GRIN3A: variants seen among roughly 807,000 people sequenced by gnomAD.
GRIN3A encodes the protein glutamate receptor ionotropic, NMDA 3A.
Under a neutral mutation model 92.4 loss-of-function variants are expected in GRIN3A, and 47 were observed. The ratio of observed to expected loss-of-function variants is 0.51; its 90% CI spans 0.40 to 0.65. The LOEUF is 0.65. Among genes scored for constraint, GRIN3A ranks in the 30% least tolerant of loss-of-function variants. The probability of loss-of-function intolerance (pLI) is 0.00; values close to 1 mark genes in which losing one functional copy is unlikely to be tolerated. For missense variants in GRIN3A, 1,324 were observed against 1,393.1 expected (o/e 0.95, Z 0.79); for synonymous variants, 527 against 540.6 (o/e 0.97, Z 0.35).
chr9:101,708,579 T>C lies in GRIN3A; in HGVS notation c.700-21379A>G, dbSNP rs186862504. Among the ~76,000 whole-genome samples, 115 of 152,298 alleles carry C rather than the reference T, an allele frequency of 7.6e-4. No homozygotes were observed. In the Middle Eastern group the frequency reaches 0.024, roughly 32 times the overall value. The stretch of plus-strand genomic sequence containing the variant: ...GGAAATACGTATATGATCCCTACCA[T>C]GATAGGGTTCTGTTTATATTATAGA... On this transcript the variant is annotated intron_variant, in intron 1 of 8. Coordinates refer to ENST00000361820, the MANE Select transcript of GRIN3A (RefSeq NM_133445.3).
chr9:101,701,530 G>A (rs1238984031), intron 1 of GRIN3A, among the ~76,000 whole-genome samples: 9 of 151,832 alleles, frequency 5.9e-5, no homozygotes, highest in African/African-American at 2.2e-4. Context: ...AACTCAAGAT[G>A]GATTAAAAGC....
chr9:101,728,774 A>G (rs919708271), intron 1 of GRIN3A, among the ~76,000 whole-genome samples: 2 of 152,180 alleles, frequency 1.3e-5, no homozygotes, highest in Non-Finnish European at 2.9e-5. Context: ...CTGCTTTTAT[A>G]ATCAGAAAAG....
At chr9:101,715,367 A>G (rs1829931400) in intron 1 of GRIN3A, among the ~76,000 whole-genome samples, 1 of 152,160 alleles carries the variant, frequency 6.6e-6, no homozygotes, top group Non-Finnish European at 1.5e-5. Flanking sequence ...GAAATTCTCC[A>G]TGTTTAAGGC....
chr9:101,590,022 G>A (rs1012209695), intron 6 of GRIN3A, among the ~76,000 whole-genome samples: 1 of 152,016 alleles, frequency 6.6e-6, no homozygotes, highest in African/African-American at 2.4e-5. Flanking sequence ...ATCTTTAAAG[G>A]TTTTATTTAA....
intron 6 of GRIN3A, among the ~76,000 whole-genome samples, chr9:101,583,542 GGAA>G (rs1351107000): frequency 6.6e-6 from 1 of 152,052 alleles, no homozygotes; most frequent in Non-Finnish European, 1.5e-5. Flanking sequence ...ATTGGTCAGA[GGAA>G]GAAAAGAAGG....
At chr9:101,710,682 G>A (rs541534793) in intron 1 of GRIN3A, among the ~76,000 whole-genome samples, 1 of 152,302 alleles carries the variant, frequency 6.6e-6, no homozygotes, top group Admixed American at 6.5e-5. Context: ...CTGGTGATGA[G>A]GTATCCCAGG....
At chr9:101,609,884 A>G (rs945394213) in intron 6 of GRIN3A, among the ~76,000 whole-genome samples, 1 of 152,184 alleles carries the variant, frequency 6.6e-6, no homozygotes. Flanking sequence ...TTTTTTGTAA[A>G]GATAGAGTCA....
chr9:101,652,678 C>A (rs1407871), intron 3 of GRIN3A, among the ~76,000 whole-genome samples: 1 of 151,744 alleles, frequency 6.6e-6, no homozygotes, highest in East Asian at 1.9e-4. Flanking sequence ...ACTAGGGACA[C>A]CTTGGACTGG....
chr9:101,668,194 A>T (rs569812234), intron 3 of GRIN3A, among the ~76,000 whole-genome samples: 11 of 151,722 alleles, frequency 7.3e-5, no homozygotes, highest in Non-Finnish European at 1.3e-4. Context: ...GCTTGTCTTT[A>T]TAATTTTATT....
At chr9:101,601,645 C>G (rs926121247) in intron 6 of GRIN3A, among the ~76,000 whole-genome samples, 1 of 152,172 alleles carries the variant, frequency 6.6e-6, no homozygotes, top group African/African-American at 2.4e-5. Context: ...ACCTGTAGGG[C>G]AACCCTTGCT....
At chr9:101,618,442 A>G (rs1828499150) in intron 5 of GRIN3A, among the ~76,000 whole-genome samples, 1 of 152,156 alleles carries the variant, frequency 6.6e-6, no homozygotes, top group Non-Finnish European at 1.5e-5. Context: ...AAACACATGA[A>G]AAAATGCTCA....
chr9:101,734,821 A>C (rs562123425), intron 1 of GRIN3A, among the ~76,000 whole-genome samples: 8 of 152,126 alleles, frequency 5.3e-5, no homozygotes, highest in African/African-American at 1.9e-4. Context: ...TGTGTGAAAA[A>C]GTCCACTTTC....
At chr9:101,684,709 CA>C (rs1284269738) in intron 2 of GRIN3A, among the ~76,000 whole-genome samples, 3 of 152,084 alleles carry the variant, frequency 2.0e-5, no homozygotes, top group Non-Finnish European at 1.5e-5. Flanking sequence ...CTTAAGTCAA[CA>C]AATATTCTTC....
At chr9:101,704,890 C>T (rs1464703303) in intron 1 of GRIN3A, among the ~76,000 whole-genome samples, 2 of 152,182 alleles carry the variant, frequency 1.3e-5, no homozygotes, top group East Asian at 3.9e-4. Context: ...TGGGTTGTAA[C>T]CTTTTTGTAT....
intron 5 of GRIN3A, among the ~76,000 whole-genome samples, chr9:101,622,653 T>C (rs966874258): frequency 2.6e-5 from 4 of 152,218 alleles, no homozygotes; most frequent in South Asian, 2.1e-4. Context: ...AGTTTTTTTT[T>C]CTACTTATTT....
intron 3 of GRIN3A, among the ~76,000 whole-genome samples, chr9:101,639,217 G>T (rs544599596): frequency 3.5e-4 from 54 of 152,202 alleles, no homozygotes; most frequent in African/African-American, 1.2e-3. Context: ...TTAAAGGTAA[G>T]TATGATCATA....
intron 6 of GRIN3A, among the ~76,000 whole-genome samples, chr9:101,610,574 C>CATCCATCTATCT (rs757590642): frequency 2.2e-5 from 3 of 139,338 alleles, no homozygotes; most frequent in African/African-American, 7.9e-5. Context: ...AGCTTGCATC[C>CATCCATCTATCT]ATCTATCTAT....
At chr9:101,659,077 G>A (rs945254678) in intron 3 of GRIN3A, among the ~76,000 whole-genome samples, 4 of 151,720 alleles carry the variant, frequency 2.6e-5, no homozygotes, top group Non-Finnish European at 5.9e-5. Context: ...AGCCCTCTTG[G>A]GGGACTACCT....
chr9:101,688,702 T>G (rs1564145005), intron 1 of GRIN3A, among the ~76,000 whole-genome samples: 1 of 152,074 alleles, frequency 6.6e-6, no homozygotes, highest in Non-Finnish European at 1.5e-5. Flanking sequence ...CAGGATCACT[T>G]GAGGTCAGGA....
Sources: allele counts gnomAD v4.1 joint callset (sites outside exome capture counted in the v4.1 genomes callset), GRCh38; gene constraint gnomAD v4.1.1; transcripts MANE v1.5; gene names NCBI Gene and HGNC (gene_info 2026-07-23, HGNC 2026-07-21).